ZNF600: variants seen among roughly 807,000 people sequenced by gnomAD.
ZNF600 encodes the protein zinc finger protein KR-ZNF1.
ZNF600 carries 4 observed loss-of-function variants against 7.3 expected under a neutral mutation model. The observed-to-expected ratio is 0.55, with a 90% CI of 0.27 to 1.25. The LOEUF is 1.25. Ranked by LOEUF, ZNF600 falls within the 50% of genes most tolerant of loss-of-function variation. The pLI is 0.12. For missense variants in ZNF600, 911 were observed against 922.1 expected (o/e 0.99, Z 0.16); for synonymous variants, 290 against 308.9 (o/e 0.94, Z 0.64).
the ZNF600 span, chr19:52,807,949 G>C: frequency 1.2e-6 from 2 of 1,608,938 alleles, no homozygotes; most frequent in Non-Finnish European, 1.7e-6. Context: ...GCTCCCAAGA[G>C]GCAACAAGAG....
chr19:52,831,250 C>T, the ZNF600 span, among the ~76,000 whole-genome samples: 1 of 152,106 alleles, frequency 6.6e-6, no homozygotes, highest in Non-Finnish European at 1.5e-5. Context: ...GAAACAGAGA[C>T]AGACTGAGCG....
chr19:52,800,087 C>G, the ZNF600 span: 5 of 1,614,084 alleles, frequency 3.1e-6, no homozygotes, highest in Non-Finnish European at 4.2e-6. Flanking sequence ...TCCGGAAAGC[C>G]TTGTCACAAA....
the ZNF600 span, among the ~76,000 whole-genome samples, chr19:52,807,654 T>C: frequency 6.6e-6 from 1 of 152,174 alleles, no homozygotes; most frequent in African/African-American, 2.4e-5. Flanking sequence ...TTTGTATTTT[T>C]AGTACAGACA....
intron 1 of ZNF600, among the ~76,000 whole-genome samples, chr19:52,785,113 G>A (rs2062753154): frequency 6.6e-6 from 1 of 151,672 alleles, no homozygotes; most frequent in Non-Finnish European, 1.5e-5. Context: ...TCTAGCTCTT[G>A]TTTTCTTTTC....
At chr19:52,765,446 G>T in exon 4 of ZNF600, 1 of 1,249,452 alleles carries the variant, frequency 8.0e-7, no homozygotes, top group South Asian at 1.2e-5. Context: ...CAGTATGAGT[G>T]TGTCAATGAA....
chr19:52,766,681 T>C, exon 4 of ZNF600: 1 of 1,614,190 alleles, frequency 6.2e-7, no homozygotes, highest in South Asian at 1.1e-5. Flanking sequence ...TCATTACACT[T>C]GTAAGTTTTC....
At chr19:52,799,058 C>T in the ZNF600 span, 1 of 504,416 alleles carries the variant, frequency 2.0e-6, no homozygotes, top group South Asian at 2.0e-5. Flanking sequence ...GTCTTTCAAG[C>T]TGTGATTTGT....
At chr19:52,824,189 A>C in the ZNF600 span, among the ~76,000 whole-genome samples, 1 of 152,120 alleles carries the variant, frequency 6.6e-6, no homozygotes, top group Non-Finnish European at 1.5e-5. Context: ...AACAAAAAAA[A>C]CACATTACCA....
intron 3 of ZNF600, among the ~76,000 whole-genome samples, chr19:52,772,331 A>C (rs1353637693): frequency 6.6e-6 from 1 of 152,036 alleles, no homozygotes; most frequent in Non-Finnish European, 1.5e-5. Flanking sequence ...GGCCAGACAC[A>C]GTGGCTCAGG....
At chr19:52,799,917 G>C in the ZNF600 span, 122 of 1,613,624 alleles carry the variant, frequency 7.6e-5, no homozygotes, top group Non-Finnish European at 9.5e-5. Flanking sequence ...CTGACTGAAG[G>C]TCTTGCCACA....
At chr19:52,765,935 C>T (rs1218879737) in exon 4 of ZNF600, 27 of 1,613,934 alleles carry the variant, frequency 1.7e-5, no homozygotes, top group Non-Finnish European at 2.2e-5. Flanking sequence ...TGTAAGGTTT[C>T]TCTGCAGTGT....
chr19:52,781,837 T>G (rs538537312), intron 1 of ZNF600, among the ~76,000 whole-genome samples: 5 of 150,852 alleles, frequency 3.3e-5, no homozygotes, highest in South Asian at 2.1e-4. Context: ...CCGAAGTGGG[T>G]GGATCACAAG....
chr19:52,808,241 A>C, the ZNF600 span: 241 of 1,532,676 alleles, frequency 1.6e-4, no homozygotes, highest in Middle Eastern at 3.2e-3. Flanking sequence ...GAATGTTCTC[A>C]CAAATCCGAG....
At chr19:52,766,543 T>C (rs1232419592) in exon 4 of ZNF600, 3 of 1,614,114 alleles carry the variant, frequency 1.9e-6, no homozygotes, top group Non-Finnish European at 2.5e-6. Context: ...TGAATTCTAG[T>C]ATGTCTTACC....
rs570141787 is a variant in ZNF600 at position 52,774,472 on chromosome 19, A to G, written c.190+103T>C. ...AAAAAAACAACCAAAAAAAAAAAAA[A>G]AGCCATGCATGGGGCAAAATCACAA... On this transcript the variant is annotated intron_variant, in intron 3 of 3. Transcript: ENST00000648973. 3.4e-5 allele frequency: 33 copies of G among 973,922 alleles called. No individual in the cohort carries two copies. The African/African-American group carries it at 5.9e-4, about 17-fold the overall frequency. The allele number at this position is 973,922 out of a possible 1,614,324, so 60.3% of individuals were successfully genotyped here. A position where few individuals can be genotyped will look rare whatever the true frequency, so the allele number is the denominator to read the frequency against.
At chr19:52,799,551 T>C in the ZNF600 span, 7 of 1,475,758 alleles carry the variant, frequency 4.7e-6, no homozygotes, top group South Asian at 8.4e-5. Flanking sequence ...AATGGCTTTG[T>C]GACTTACAAG....
the ZNF600 span, among the ~76,000 whole-genome samples, chr19:52,832,020 ATGT>A: frequency 2.0e-5 from 3 of 151,954 alleles, no homozygotes; most frequent in Non-Finnish European, 2.9e-5. Context: ...AACAATGCAA[ATGT>A]TGTGTTTTCT....
At chr19:52,803,755 G>A in the ZNF600 span, among the ~76,000 whole-genome samples, 2 of 151,932 alleles carry the variant, frequency 1.3e-5, no homozygotes, top group African/African-American at 4.8e-5. Context: ...TCAGGAGTTC[G>A]AGACCAGCCT....
the ZNF600 span, among the ~76,000 whole-genome samples, chr19:52,829,675 TCCA>T: frequency 2.0e-5 from 3 of 151,990 alleles, no homozygotes; most frequent in African/African-American, 7.2e-5. Context: ...CACCCGGCCA[TCCA>T]TTGTTTTGTG....
Sources: allele counts gnomAD v4.1 joint callset (sites outside exome capture counted in the v4.1 genomes callset), GRCh38; gene constraint gnomAD v4.1.1; transcripts MANE v1.5; gene names NCBI Gene and HGNC (gene_info 2026-07-23, HGNC 2026-07-21).